SAMMSON: variants seen among roughly 807,000 people sequenced by gnomAD.
The protein encoded by SAMMSON is long intergenic non-protein coding RNA 1212.
chr3:70,034,089 A>G (rs543170053), intron 3 of SAMMSON, among the ~76,000 whole-genome samples: 11 of 152,296 alleles, frequency 7.2e-5, no homozygotes, highest in African/African-American at 2.4e-4. Flanking sequence ...ACTGGATACC[A>G]TGGAATTAGA....
At chr3:70,051,150 A>G (rs1390987469) in intron 3 of SAMMSON, among the ~76,000 whole-genome samples, 3 of 148,856 alleles carry the variant, frequency 2.0e-5, no homozygotes, top group South Asian at 2.1e-4. Context: ...AAAAAAAAAA[A>G]AAAAAAAAAA....
intron 1 of SAMMSON, among the ~76,000 whole-genome samples, chr3:70,004,300 T>C (rs538384918): frequency 4.6e-5 from 7 of 152,324 alleles, no homozygotes; most frequent in African/African-American, 1.7e-4. Context: ...TAAATGTTAT[T>C]TTATAAAAAA....
intron 4 of SAMMSON, among the ~76,000 whole-genome samples, chr3:70,239,079 A>G (rs1701639796): frequency 6.6e-6 from 1 of 152,210 alleles, no homozygotes; most frequent in African/African-American, 2.4e-5. Flanking sequence ...GCTAAAATGA[A>G]TGGAAAAGAA....
rs369456078 is a variant in SAMMSON, at chr3:70,187,034, T to C, written n.508-62073T>C. ...TGGCTGCTGGAAGAAAGGTCTGTCA[T>C]GGGCCTTTCGTCTTTCTCTAGCTAC... On this transcript the variant is annotated intron_variant and non_coding_transcript_variant, in intron 4 of 9. Coordinates refer to ENST00000642114, the Ensembl canonical transcript of SAMMSON. Among the ~76,000 whole-genome samples, 4 of 152,224 alleles carry C rather than the reference T, an allele frequency of 2.6e-5. No homozygotes were observed. In the East Asian group the frequency reaches 7.7e-4, roughly 29 times the overall value.
At chr3:70,070,605 C>T (rs1208731163) in intron 3 of SAMMSON, among the ~76,000 whole-genome samples, 3 of 151,298 alleles carry the variant, frequency 2.0e-5, no homozygotes, top group Non-Finnish European at 4.4e-5. Flanking sequence ...AAAAAAAATC[C>T]CCTTGGGGGA....
intron 4 of SAMMSON, among the ~76,000 whole-genome samples, chr3:70,176,922 G>A (rs1701013775): frequency 6.6e-6 from 1 of 152,134 alleles, no homozygotes; most frequent in Admixed American, 6.5e-5. Context: ...AGTCTGAAGG[G>A]TGCGAGTATC....
intron 4 of SAMMSON, among the ~76,000 whole-genome samples, chr3:70,107,035 T>C (rs1457544730): frequency 1.3e-5 from 2 of 152,182 alleles, no homozygotes; most frequent in Non-Finnish European, 2.9e-5. Flanking sequence ...ACCCAGTGTA[T>C]GTAATGCATT....
At chr3:70,224,448 C>G (rs574110082) in intron 4 of SAMMSON, among the ~76,000 whole-genome samples, 1 of 152,282 alleles carries the variant, frequency 6.6e-6, no homozygotes, top group East Asian at 1.9e-4. Flanking sequence ...TAAAAGGTGG[C>G]CCTTTTTTAA....
intron 4 of SAMMSON, among the ~76,000 whole-genome samples, chr3:70,233,812 T>C (rs1013647339): frequency 6.6e-6 from 1 of 152,238 alleles, no homozygotes; most frequent in African/African-American, 2.4e-5. Flanking sequence ...GATTGTTGCA[T>C]ATCTAAACAA....
chr3:70,094,094 TC>T (rs1383294970), intron 4 of SAMMSON, among the ~76,000 whole-genome samples: 44 of 152,316 alleles, frequency 2.9e-4, no homozygotes, highest in African/African-American at 1.1e-3. Flanking sequence ...TATATAAAAT[TC>T]AGATTGTGCA....
intron 7 of SAMMSON, among the ~76,000 whole-genome samples, chr3:70,310,774 A>G (rs1488673174): frequency 6.6e-6 from 1 of 152,136 alleles, no homozygotes; most frequent in East Asian, 1.9e-4. Context: ...GTAGGAAAAC[A>G]TTTTTGAGCA....
intron 4 of SAMMSON, among the ~76,000 whole-genome samples, chr3:70,083,829 C>G (rs2067275332): frequency 6.6e-6 from 1 of 152,036 alleles, no homozygotes; most frequent in East Asian, 1.9e-4. Context: ...CAGTATCTCC[C>G]TCTGTATATA....
chr3:70,176,143 T>G (rs1182625394), intron 4 of SAMMSON, among the ~76,000 whole-genome samples: 2 of 152,164 alleles, frequency 1.3e-5, no homozygotes, highest in Non-Finnish European at 2.9e-5. Flanking sequence ...GTTCACTGTC[T>G]TCTTCATGCT....
intron 1 of SAMMSON, among the ~76,000 whole-genome samples, chr3:70,007,171 G>GACCCAGTAATACC (rs2066931076): frequency 1.3e-5 from 2 of 152,132 alleles, no homozygotes; most frequent in African/African-American, 2.4e-5. Context: ...CCAGTAATGG[G>GACCCAGTAATACC]ATTGCTGGGT....
At chr3:70,261,375 A>G (rs1375346995) in intron 6 of SAMMSON, among the ~76,000 whole-genome samples, 2 of 152,224 alleles carry the variant, frequency 1.3e-5, no homozygotes, top group African/African-American at 4.8e-5. Flanking sequence ...GTGAACATGC[A>G]TATGTTTAAT....
intron 4 of SAMMSON, among the ~76,000 whole-genome samples, chr3:70,129,016 A>ATGCATTTGT (rs2067469903): frequency 6.6e-6 from 1 of 152,244 alleles, no homozygotes; most frequent in Non-Finnish European, 1.5e-5. Flanking sequence ...TCAAATGCAT[A>ATGCATTTGT]TAAATCTTTA....
intron 6 of SAMMSON, among the ~76,000 whole-genome samples, chr3:70,286,169 T>C (rs1702160817): frequency 6.6e-6 from 1 of 152,236 alleles, no homozygotes; most frequent in Non-Finnish European, 1.5e-5. Flanking sequence ...CTAGGTTTTC[T>C]TCTAGGCTTT....
chr3:70,379,271 C>T (rs753946964), intron 9 of SAMMSON, among the ~76,000 whole-genome samples: 2 of 152,072 alleles, frequency 1.3e-5, no homozygotes, highest in African/African-American at 4.8e-5. Context: ...CTCGGCCTCC[C>T]GAAGTGTACT....
chr3:70,358,829 A>T (rs755654298), intron 9 of SAMMSON, among the ~76,000 whole-genome samples: 12 of 152,168 alleles, frequency 7.9e-5, no homozygotes, highest in Admixed American at 3.3e-4. Flanking sequence ...CTTATTCTTA[A>T]AATCCATATA....
Sources: gnomAD v4.1 joint callset for allele counts (sites outside exome capture counted in the v4.1 genomes callset) on GRCh38, gnomAD v4.1.1 for gene constraint, MANE v1.5 for transcripts, NCBI Gene and HGNC (gene_info 2026-07-23, HGNC 2026-07-21) for gene names.